The following MINPP1 variants were observed in gnomAD, a reference collection of about 807,000 sequenced individuals.
MINPP1 encodes the protein multiple inositol polyphosphate phosphatase 1.
In MINPP1, 28 loss-of-function variants were observed where a neutral mutation model predicts 46.1. The ratio of observed to expected loss-of-function variants is 0.61; its 90% CI spans 0.45 to 0.83. The LOEUF is 0.83. MINPP1 is among the 40% of genes least tolerant of loss of function. The pLI, the probability that MINPP1 is intolerant of heterozygous loss-of-function variation, is 0.00. For synonymous variants in MINPP1, 268 were observed against 249.1 expected, an observed-to-expected ratio of 1.08 and a Z score of -0.72; for missense variants, 603 against 610.0, an observed-to-expected ratio of 0.99 and a Z score of 0.12.
chr10:87,508,887 T>TTC (rs1215545641), intron 2 of MINPP1, among the ~76,000 whole-genome samples: 2 of 121,992 alleles, frequency 1.6e-5, no homozygotes, highest in Non-Finnish European at 3.0e-5. Flanking sequence ...ATCATATAAA[T>TTC]TCTTTAGCTT....
chr10:87,520,389 T>C (rs901627960), intron 3 of MINPP1, among the ~76,000 whole-genome samples: 1 of 152,120 alleles, frequency 6.6e-6, no homozygotes, highest in African/African-American at 2.4e-5. Flanking sequence ...GGTCATAGGG[T>C]ATGTGTGTTT....
rs1030871956 is a variant in MINPP1 at position 87,512,822 on chromosome 10, AC to A, written c.836-299del. Reference sequence around the variant, plus strand: ...ACTCTAGCCTGGACAACAGAGCAAGACCCTGTCCAAAAAAAAAAGGCAGAAA... The same window carrying A: ...ACTCTAGCCTGGACAACAGAGCAAGACCTGTCCAAAAAAAAAAGGCAGAAA... On this transcript the variant is annotated intron_variant, in intron 2 of 4. Transcript: ENST00000371996. 4.1e-4 allele frequency among the ~76,000 whole-genome samples: 63 copies of A among 151,816 alleles called. 2 individuals are homozygous for A. Among genetic ancestry groups the A allele is most frequent in the Non-Finnish European group, 1.0e-4 (7 of 67,960 alleles).
intron 4 of MINPP1, among the ~76,000 whole-genome samples, chr10:87,543,982 C>A (rs548906219): frequency 3.0e-3 from 458 of 152,266 alleles, no homozygotes; most frequent in Non-Finnish European, 4.6e-3. Flanking sequence ...GGGGGTTCCC[C>A]ACCAATAAGC....
chr10:87,506,613 A>C (rs1370202099), intron 1 of MINPP1, among the ~76,000 whole-genome samples: 2 of 152,236 alleles, frequency 1.3e-5, no homozygotes, highest in Non-Finnish European at 2.9e-5. Flanking sequence ...CCATTATGCT[A>C]TACTGCCTCC....
chr10:87,513,758 C>T (rs1417530962), intron 3 of MINPP1, among the ~76,000 whole-genome samples: 1 of 152,122 alleles, frequency 6.6e-6, no homozygotes, highest in Non-Finnish European at 1.5e-5. Context: ...TATTGGTGCT[C>T]TAACAAGTTA....
intron 1 of MINPP1, among the ~76,000 whole-genome samples, chr10:87,507,164 G>C (rs956589623): frequency 1.3e-5 from 2 of 152,198 alleles, no homozygotes; most frequent in Admixed American, 6.5e-5. Flanking sequence ...GTGTCAGATA[G>C]CAAACCCTTT....
chr10:87,527,268 A>G (rs1332336983), intron 4 of MINPP1, among the ~76,000 whole-genome samples: 5 of 151,462 alleles, frequency 3.3e-5, no homozygotes, highest in African/African-American at 1.2e-4. Context: ...TCACATCCCT[A>G]CAATTGTGAA....
At chr10:87,548,582 A>G (rs1263873838) in intron 4 of MINPP1, among the ~76,000 whole-genome samples, 2 of 152,150 alleles carry the variant, frequency 1.3e-5, no homozygotes, top group African/African-American at 4.8e-5. Flanking sequence ...ATTATTATGA[A>G]TGAAATTGTG....
At chr10:87,508,113 A>G (rs1051292907) in intron 1 of MINPP1, 46 of 1,519,494 alleles carry the variant, frequency 3.0e-5, no homozygotes, top group African/African-American at 2.9e-4. Context: ...TTAATCTTCA[A>G]TCTCTATTTC....
At position 87,552,528 on chromosome 10, in the gene MINPP1, C is replaced by A; in HGVS notation, c.*50C>A. 2 of 1,568,476 alleles carry A rather than the reference C, an allele frequency of 1.3e-6. No homozygotes were observed. The highest frequency in any genetic ancestry group is 1.7e-6 in the Non-Finnish European group (2 of 1,146,480). On this transcript the variant is annotated 3_prime_UTR_variant, in exon 5 of 5. Transcript: ENST00000371996. ...TTTAGGAATCTGCAATGAGTGATTA[C>A]ATGCTTGTAATAGGTAGGCAATTCC...
At chr10:87,524,877 C>A (rs1173873441) in intron 4 of MINPP1, among the ~76,000 whole-genome samples, 1 of 152,026 alleles carries the variant, frequency 6.6e-6, no homozygotes, top group Non-Finnish European at 1.5e-5. Flanking sequence ...CATAAAAGAT[C>A]ACTGATCACA....
chr10:87,537,630 A>AT (rs1554853583), intron 4 of MINPP1, among the ~76,000 whole-genome samples: 3 of 151,156 alleles, frequency 2.0e-5, no homozygotes, highest in Non-Finnish European at 2.9e-5. Flanking sequence ...TTTCTTAAAA[A>AT]ATATATATAT....
At position 87,553,291 on chromosome 10, in the gene MINPP1, GGTT is replaced by G. The variant is rs1438257303; in HGVS notation, c.*817_*819del. On this transcript the variant is annotated 3_prime_UTR_variant, in exon 5 of 5. Coordinates refer to ENST00000371996, the MANE Select transcript of MINPP1 (RefSeq NM_004897.5). Reference sequence around the variant, plus strand: ...TCCTATTATATGAAATGTATCTTTTGGTTGTTTGATTTTTCTTTCTTTCTTTGT... The same window carrying G: ...TCCTATTATATGAAATGTATCTTTTGGTTTGATTTTTCTTTCTTTCTTTGT... 1 of 151,850 alleles carries G rather than the reference GGTT, an allele frequency of 6.6e-6. No homozygotes were observed. Among genetic ancestry groups the G allele is most frequent in the Non-Finnish European group, 1.5e-5 (1 of 67,944 alleles). 9.4% of individuals were successfully genotyped at this position (151,850 alleles called of 1,614,324 possible).
intron 1 of MINPP1, 192 bp from the exon 2 acceptor site, chr10:87,508,144 C>T: frequency 2.0e-6 from 3 of 1,534,824 alleles, no homozygotes; most frequent in Non-Finnish European, 2.6e-6. Flanking sequence ...TCTAGCTATT[C>T]TCATGCGTTA....
Position 87,513,155 on chromosome 10 carries a change from A to G in MINPP1, c.867A>G (p.Ser289=). ...DLIQVAFFTC[S]FDLAIKGVKS... is the part of the protein sequence containing the mutation. ...TTCAAGTAGCCTTTTTCACCTGTTC[A>G]TTTGACCTGGCAATTAAAGGTGTTA... is the stretch of plus-strand genomic sequence containing the variant. Residue 289 remains serine (S), a synonymous_variant, in exon 3 of 5, where the codon TCA becomes TCG. Transcript: ENST00000371996. 1.2e-6 allele frequency: 2 copies of G among 1,613,656 alleles called. No individual in the cohort carries two copies. Among genetic ancestry groups the G allele is most frequent in the Non-Finnish European group, 1.7e-6 (2 of 1,179,792 alleles).
At position 87,505,113 on chromosome 10, in the gene MINPP1, T is replaced by C; in HGVS notation, c.198T>C (p.Ala66=). 1 of 1,613,158 alleles carries C rather than the reference T, an allele frequency of 6.2e-7. No homozygotes were observed. Among genetic ancestry groups the C allele is most frequent in the Non-Finnish European group, 8.5e-7 (1 of 1,179,778 alleles). Residue 66 remains alanine (A), a synonymous_variant, in exon 1 of 5, where the codon GCT becomes GCC. Transcript: ENST00000371996. This position sits in a 1 kb window ranked among gnomAD's most constrained non-coding sequence, Gnocchi z 4.4. ...VNPVLLSGPE[A]PWRDPELLEG... is the part of the protein sequence containing the mutation. ...CCGTGCTATTGTCGGGCCCCGAGGC[T>C]CCGTGGCGGGACCCTGAGCTGCTGG...
At chr10:87,547,550 A>G (rs748963505) in intron 4 of MINPP1, among the ~76,000 whole-genome samples, 4 of 152,202 alleles carry the variant, frequency 2.6e-5, no homozygotes, top group Non-Finnish European at 5.9e-5. Flanking sequence ...AATTGTTTCC[A>G]TACAATTTAA....
intron 4 of MINPP1, among the ~76,000 whole-genome samples, chr10:87,524,959 GTGATACA>G (rs1186209830): frequency 3.4e-5 from 2 of 59,462 alleles, no homozygotes; most frequent in Non-Finnish European, 5.2e-5. Flanking sequence ...TTACTAAAAT[GTGATACA>G]TTACTAAAAT....
intron 3 of MINPP1, among the ~76,000 whole-genome samples, chr10:87,513,425 T>C (rs41307054): frequency 0.12 from 18,629 of 152,122 alleles, 1,378 homozygotes; most frequent in Non-Finnish European, 0.17. Context: ...TAGTTTAGGT[T>C]CAAAAAACTC....
Sources: allele counts gnomAD v4.1 joint callset (sites outside exome capture counted in the v4.1 genomes callset), GRCh38; gene constraint gnomAD v4.1.1; non-coding constraint Gnocchi (gnomAD v3.1); transcripts MANE v1.5; gene names NCBI Gene and HGNC (gene_info 2026-07-23, HGNC 2026-07-21).